The following KMT2D variants were observed in gnomAD, a reference collection of about 807,000 sequenced individuals.
The protein encoded by KMT2D is histone-lysine N-methyltransferase 2D.
KMT2D carries 55 observed loss-of-function variants against 512.7 expected under a neutral mutation model. The observed-to-expected ratio is 0.11, with a 90% CI of 0.09 to 0.13. The LOEUF (loss-of-function observed/expected upper bound fraction) is 0.13. KMT2D is among the 10% of genes least tolerant of loss of function. The pLI is 1.00. For synonymous variants in KMT2D, 2,995 were observed against 2,904.0 expected, an observed-to-expected ratio of 1.03 and a Z score of -1.01; for missense variants, 6,061 against 7,127.9, an observed-to-expected ratio of 0.85 and a Z score of 5.39.
At position 49,031,805 on chromosome 12, in the gene KMT2D, T is replaced by G; in HGVS notation, c.12900A>C (p.Pro4300=). Residue 4300 remains proline (P), a synonymous_variant, in exon 40 of 55, where the codon CCA becomes CCC. Coordinates refer to ENST00000301067, the MANE Select transcript of KMT2D (RefSeq NM_003482.4). ...GTGTGGGATGGACAGGGCCAAGGAC[T>G]GGTCCTGTAGATAAGGCTCCTGGTG... ...PAPPGALSTG[P]VLGPVHPTPP... The G allele has an allele frequency of 6.3e-7, 1 of 1,594,032 alleles. No individual in the cohort carries two copies. Among genetic ancestry groups the G allele is most frequent in the Non-Finnish European group, 8.6e-7 (1 of 1,169,034 alleles).
At position 49,033,022 on chromosome 12, in the gene KMT2D, C is replaced by T; in HGVS notation, c.11683G>A (p.Gly3895Ser). 1 of 1,551,140 alleles carries T rather than the reference C, an allele frequency of 6.4e-7. No homozygotes were observed. Among genetic ancestry groups the T allele is most frequent in the Non-Finnish European group, 8.7e-7 (1 of 1,146,846 alleles). ...TGCTGCTGAAGCTGCTGTAAAGAGC[C>T]CATGGGCTGAGCGCTCAGTTTGGGC... ...GQPKLSAQPM[G>S]SLQQLQQQQQ... The change falls in exon 40 of 55, where the codon GGC becomes AGC. Residue 3895 changes from glycine (G) to serine (S), a missense_variant. Physicochemically the swap from Gly to Ser is moderately conservative, Grantham distance 56. This residue lies in a region of KMT2D where 1,600 missense variants were observed against 1,754.9 expected (regional missense o/e 0.91). Coordinates refer to ENST00000301067, the MANE Select transcript of KMT2D (RefSeq NM_003482.4).
rs1937966834 is a variant in KMT2D at position 49,051,184 on chromosome 12, C to A, written c.2499G>T (p.Leu833=). The A allele has an allele frequency of 1.3e-6, 2 of 1,500,988 alleles. No individual in the cohort carries two copies. Among genetic ancestry groups the A allele is most frequent in the South Asian group, 1.3e-5 (1 of 74,992 alleles). 93.0% of individuals were successfully genotyped at this position (1,500,988 alleles called of 1,614,324 possible). ...GGCATGGCTCCTCAGACTGGGGGGA[C>A]AGGTGTGATTCCTCAGGTTGGGGGG... ...CLSPQPEESH[L]SPQSEEPCLS... Residue 833 remains leucine, a synonymous_variant, in exon 11 of 55, where the codon CTG becomes CTT. Coordinates refer to ENST00000301067, the MANE Select transcript of KMT2D (RefSeq NM_003482.4).
At position 49,032,735 on chromosome 12, in the gene KMT2D, T is replaced by C. The variant is rs1297713590; in HGVS notation, c.11970A>G (p.Gln3990=). The change falls in exon 40 of 55, where the codon CAA becomes CAG. Residue 3990 remains glutamine, a synonymous_variant. Transcript: ENST00000301067. Reference sequence around the variant, plus strand: ...GGCCAAGTGCCACTTGCTGCTGCTGTTGTTGCTGAGGAGACAGTAAAGTTC... The same window carrying C: ...GGCCAAGTGCCACTTGCTGCTGCTGCTGTTGCTGAGGAGACAGTAAAGTTC... ...QSRTLLSPQQ[Q]QQQQVALGPG... 1.2e-6 allele frequency: 2 copies of C among 1,600,462 alleles called. No homozygotes were observed. Among genetic ancestry groups the C allele is most frequent in the African/African-American group, 1.3e-5 (1 of 74,704 alleles).
Position 49,049,210 on chromosome 12 carries a change from G to A in KMT2D, c.3915C>T (p.Ser1305=), listed in dbSNP as rs2120632315. The change falls in exon 13 of 55, where the codon AGC becomes AGT. Residue 1305 remains serine, a synonymous_variant. Coordinates refer to ENST00000301067, the MANE Select transcript of KMT2D (RefSeq NM_003482.4). ...GCCGGCGTCTTCCTGGGAAACTGCT[G>A]CTGCGACCCTGAGTGAAAGAAGGGG... ...PARSRIKQGR[S]SSFPGRRRPR... 1 of 1,599,434 alleles carries A rather than the reference G, an allele frequency of 6.3e-7. No individual in the cohort carries two copies. Among genetic ancestry groups the A allele is most frequent in the Non-Finnish European group, 8.5e-7 (1 of 1,171,448 alleles).
chr12:49,027,026 C>T lies in KMT2D; in HGVS notation c.14940G>A (p.Lys4980=), dbSNP rs2120366230. Residue 4980 remains lysine, a synonymous_variant, in exon 49 of 55, where the codon AAG becomes AAA. Coordinates refer to ENST00000301067, the MANE Select transcript of KMT2D (RefSeq NM_003482.4). ...GCTTCCAGCGCACTCCTTTCCATTT[C>T]TTGAGGCGAGGAGGACGGGAATCTT... The part of the protein sequence containing the change: ...EGEDSRPPRL[K]KWKGVRWKRL... 6.2e-7 allele frequency: 1 copy of T among 1,614,014 alleles called. No individual in the cohort carries two copies. Among genetic ancestry groups the T allele is most frequent in the Middle Eastern group, 1.6e-4 (1 of 6,062 alleles).
chr12:49,051,718 G>T lies in KMT2D; in HGVS notation c.1965C>A (p.Pro655=), dbSNP rs200939188. 7.2e-4 allele frequency: 1,118 copies of T among 1,545,494 alleles called. 1 individual carries two copies. The highest frequency in any genetic ancestry group is 2.1e-3 in the Middle Eastern group (12 of 5,764). Residue 655 remains proline (P), a synonymous_variant, in exon 11 of 55, where the codon CCC becomes CCA. Coordinates refer to ENST00000301067, the MANE Select transcript of KMT2D (RefSeq NM_003482.4). The stretch of plus-strand genomic sequence containing the variant: ...GAGACAGGCGTGACACCACAGGCAG[G>T]GGGGATAGGCGCGATACCTCAGGTG... The part of the protein sequence containing the change: ...SPPPEVSRLS[P]LPVVSRLSPP...
rs760938205 is a variant in KMT2D at position 49,022,804 on chromosome 12, G to A, written c.16124C>T (p.Pro5375Leu). Residue 5375 changes from proline (P) to leucine (L), a missense_variant, in exon 52 of 55, where the codon CCC becomes CTC. This residue lies in a region of KMT2D where 261 missense variants were observed against 440.7 expected (regional missense o/e 0.59). Coordinates refer to ENST00000301067, the MANE Select transcript of KMT2D (RefSeq NM_003482.4). This position sits in a 1 kb window ranked among gnomAD's most constrained non-coding sequence, Gnocchi z 8.6. ...QSTFTGETNT[P>L]YSKQFVHSKS... Reference sequence around the variant, plus strand: ...GGAGTGCACAAACTGCTTGCTGTAGGGGGTGTTGGTCTCGCCTGTGAAGGT... The same window carrying A: ...GGAGTGCACAAACTGCTTGCTGTAGAGGGTGTTGGTCTCGCCTGTGAAGGT... 1 of 1,613,914 alleles carries A rather than the reference G, an allele frequency of 6.2e-7. No homozygotes were observed. The highest frequency in any genetic ancestry group is 8.5e-7 in the Non-Finnish European group (1 of 1,179,846).
In KMT2D at chr12:49,034,285, G is replaced by A. The variant is rs777638253; in HGVS notation, c.10522C>T (p.Arg3508Trp). The A allele has an allele frequency of 2.6e-5, 42 of 1,612,764 alleles. No homozygotes were observed. Among genetic ancestry groups the A allele is most frequent in the Admixed American group, 1.0e-4 (6 of 59,978 alleles). The change falls in exon 39 of 55, where the codon CGG becomes TGG. Residue 3508 changes from arginine (R) to tryptophan (W), a missense_variant. By Grantham distance (101) the Arg-to-Trp change is moderately radical (BLOSUM62 -3). This residue lies in a region of KMT2D where 533 missense variants were observed against 539.6 expected (regional missense o/e 0.99). Coordinates refer to ENST00000301067, the MANE Select transcript of KMT2D (RefSeq NM_003482.4). The stretch of plus-strand genomic sequence containing the variant: ...TGGAACAGCCACTCCTCATACTGCC[G>A]CTGGTCAGCTTCATCTGGGAAAAGA... The part of the protein sequence containing the change: ...AQGVINEADQ[R>W]QYEEWLFHTQ...
Position 49,054,554 on chromosome 12 carries a change from G to A in KMT2D, c.374C>T (p.Thr125Ile), listed in dbSNP as rs1399659855. ...TCCAGGTTCTCCTAGGTGGGCAGGT[G>A]TAAGGCCCTCAGGGAAACCAATCTG... ...LSQIGFPEGL[T>I]PAHLGEPGGS... Residue 125 changes from threonine to isoleucine, a missense_variant, in exon 4 of 55, where the codon ACA (threonine) becomes ATA (isoleucine). Around this residue, in one of 16 missense-constraint regions of KMT2D, gnomAD observed 144 missense variants for 165.7 expected, o/e 0.87. Coordinates refer to ENST00000301067, the MANE Select transcript of KMT2D (RefSeq NM_003482.4). This position sits in a 1 kb window ranked among gnomAD's most constrained non-coding sequence, Gnocchi z 6.4. 2 of 1,612,176 alleles carry A rather than the reference G, an allele frequency of 1.2e-6. No homozygotes were observed. The highest frequency in any genetic ancestry group is 8.5e-7 in the Non-Finnish European group (1 of 1,179,078).
rs2120532327 is a variant in KMT2D at position 49,040,666 on chromosome 12, G to T, written c.7104C>A (p.Ile2368=). 1 of 1,613,836 alleles carries T rather than the reference G, an allele frequency of 6.2e-7. No homozygotes were observed. The change falls in exon 32 of 55, where the codon ATC becomes ATA. Residue 2368 remains isoleucine, a synonymous_variant. Transcript: ENST00000301067. The part of the protein sequence containing the change: ...LAPSPPSHPD[I]FRPGSYTDPY... ...GGTCAGTGTAGGAGCCAGGGCGAAA[G>T]ATGTCTGGGTGACTTGGAGGAGAAG...
Position 49,031,861 on chromosome 12 carries a change from G to T in KMT2D, c.12844C>A (p.Arg4282=), listed in dbSNP as rs1057517992. ...GGGAGCCGGGGTGGGCCCTGAGGTC[G>T]AGGCCCTGCCCCTAGCTCCTGGAGG... ...GPLQELGAGP[R]PQGPPRLPAP... is the part of the protein sequence containing the mutation. Residue 4282 remains arginine, a synonymous_variant, in exon 40 of 55, where the codon CGA becomes AGA. Transcript: ENST00000301067. 1 of 1,540,784 alleles carries T rather than the reference G, an allele frequency of 6.5e-7. No homozygotes were observed. Among genetic ancestry groups the T allele is most frequent in the East Asian group, 2.3e-5 (1 of 44,260 alleles).
rs1264902222 is a variant in KMT2D at position 49,033,070 on chromosome 12, T to C, written c.11635A>G (p.Ser3879Gly). The change falls in exon 40 of 55, where the codon AGT (serine) becomes GGT (glycine). Residue 3879 changes from serine (S) to glycine (G), a missense_variant. Around this residue, in one of 16 missense-constraint regions of KMT2D, gnomAD observed 1,600 missense variants for 1,754.9 expected, o/e 0.91. Transcript: ENST00000301067. ...SMAGLSHLQQ[S>G]LMSHSGQPKL... ...GGCTGCCCACTGTGTGACATCAGAC[T>C]CTGCTGAAGATGGGACAGCCCTGCC... 6.4e-7 allele frequency: 1 copy of C among 1,551,182 alleles called. No homozygotes were observed.
rs2120517587 is a variant in KMT2D, at chr12:49,039,828, G to A, written c.7942C>T (p.Pro2648Ser). The change falls in exon 32 of 55, where the codon CCA becomes TCA. Residue 2648 changes from proline to serine, a missense_variant. By Grantham distance (74) the Pro-to-Ser change is moderately conservative. This residue lies in a region of KMT2D where 527 missense variants were observed against 578.9 expected (regional missense o/e 0.91). Coordinates refer to ENST00000301067, the MANE Select transcript of KMT2D (RefSeq NM_003482.4). The surrounding 1 kb of genome is among the most constrained non-coding windows in gnomAD (Gnocchi z 5.0). ...AAAGAGCTACCCATTCCAGTCCCTG[G>A]GTCTTCTCGCTTTTCGACAGGAGAG... is the stretch of plus-strand genomic sequence containing the variant. ...ITSPVEKRED[P>S]GTGMGSSLAT... is the part of the protein sequence containing the mutation. 1 of 1,614,056 alleles carries A rather than the reference G, an allele frequency of 6.2e-7. No individual in the cohort carries two copies. The highest frequency in any genetic ancestry group is 8.5e-7 in the Non-Finnish European group (1 of 1,179,906).
In KMT2D at chr12:49,041,550, C is replaced by A; in HGVS notation, c.6235-15G>T. ...CTCTCAGCCTGCTACAGGGGGAGACCAGGCATAGGGCAGTCAGGCTGCTGC... is the reference window on the plus strand; with the variant it reads ...CTCTCAGCCTGCTACAGGGGGAGACAAGGCATAGGGCAGTCAGGCTGCTGC... On this transcript the variant is annotated splice_polypyrimidine_tract_variant and intron_variant, in intron 31 of 54. Coordinates refer to ENST00000301067, the MANE Select transcript of KMT2D (RefSeq NM_003482.4). This position sits in a 1 kb window ranked among gnomAD's most constrained non-coding sequence, Gnocchi z 5.4. 1 of 1,613,042 alleles carries A rather than the reference C, an allele frequency of 6.2e-7. No homozygotes were observed. The highest frequency in any genetic ancestry group is 8.5e-7 in the Non-Finnish European group (1 of 1,179,410).
At chr12:49,037,075 A>G (rs749766682) in intron 35 of KMT2D, 50 bp downstream of exon 35, 2 of 1,520,692 alleles carry the variant, frequency 1.3e-6, no homozygotes, top group Admixed American at 2.1e-5. Flanking sequence ...CCATTTAGGG[A>G]TAACAATAAT....
chr12:49,040,716 G>T lies in KMT2D; in HGVS notation c.7054C>A (p.Pro2352Thr), dbSNP rs774568547. The T allele has an allele frequency of 1.9e-6, 3 of 1,613,696 alleles. No homozygotes were observed. The Admixed American group carries it at 5.0e-5, about 27-fold the overall frequency. The change falls in exon 32 of 55, where the codon CCA (proline) becomes ACA (threonine). Residue 2352 changes from proline to threonine, a missense_variant. Around this residue, in one of 16 missense-constraint regions of KMT2D, gnomAD observed 710 missense variants for 647.3 expected, o/e 1.10. Coordinates refer to ENST00000301067, the MANE Select transcript of KMT2D (RefSeq NM_003482.4). The part of the protein sequence containing the change: ...SPGLGLRPQE[P>T]PPAQALAPSP... ...GGTGCCAAAGCCTGGGCAGGGGGTG[G>T]CTCCTGGGGCCTTAGGCCCAAGCCC...
chr12:49,053,391 GT>G, intron 7 of KMT2D, 70 bp from the exon 8 acceptor site: 1 of 1,605,878 alleles, frequency 6.2e-7, no homozygotes, highest in South Asian at 1.1e-5. Context: ...TTGTTTTCAT[GT>G]TAACAGGCCT....
intron 36 of KMT2D, 48 bp from the exon 37 acceptor site, chr12:49,034,714 T>G: frequency 1.2e-6 from 2 of 1,605,668 alleles, no homozygotes; most frequent in African/African-American, 2.7e-5. Flanking sequence ...ATAAGAAAGT[T>G]GGAAAGCAAA....
Position 49,027,793 on chromosome 12 carries a change from C to T in KMT2D, c.14643+10G>A. On this transcript the variant is annotated intron_variant, in intron 48 of 54. Coordinates refer to ENST00000301067, the MANE Select transcript of KMT2D (RefSeq NM_003482.4). ...TCTAACACCCACCCCTTTTTCTCCC[C>T]CAGACCTACCTGTTTCAGGAGGCTC... 3 of 1,556,270 alleles carry T rather than the reference C, an allele frequency of 1.9e-6. No individual in the cohort carries two copies. Among genetic ancestry groups the T allele is most frequent in the Non-Finnish European group, 2.6e-6 (3 of 1,149,476 alleles).
Sources: allele counts gnomAD v4.1 joint callset, GRCh38; gene constraint gnomAD v4.1.1; regional missense constraint gnomAD v4.1.1; non-coding constraint Gnocchi (gnomAD v3.1); transcripts MANE v1.5; gene names NCBI Gene and HGNC (gene_info 2026-07-23, HGNC 2026-07-21).